The following ITSN1 variants were observed in gnomAD, a reference collection of about 807,000 sequenced individuals.
The protein encoded by ITSN1 is intersectin 1.
In ITSN1, 58 loss-of-function variants were observed where a neutral mutation model predicts 239.8. The observed-to-expected ratio is 0.24, with a 90% CI of 0.20 to 0.30. ITSN1 has a LOEUF of 0.30. Among genes scored for constraint, ITSN1 ranks in the 10% least tolerant of loss-of-function variants. ITSN1 has a pLI of 1.00. For synonymous variants in ITSN1, 780 were observed against 770.8 expected, an observed-to-expected ratio of 1.01 and a Z score of -0.20; for missense variants, 1,558 against 2,103.3, an observed-to-expected ratio of 0.74 and a Z score of 5.07.
intron 29 of ITSN1, among the ~76,000 whole-genome samples, chr21:33,839,265 TGTGACAAG>T (rs1294185859): frequency 6.6e-6 from 1 of 152,152 alleles, no homozygotes; most frequent in Non-Finnish European, 1.5e-5. Context: ...ACGGTATGTG[TGTGACAAG>T]GTGACAAGTT....
At chr21:33,695,631 AGTAT>A (rs2091759429) in intron 1 of ITSN1, among the ~76,000 whole-genome samples, 6 of 152,388 alleles carry the variant, frequency 3.9e-5, no homozygotes, top group Non-Finnish European at 7.3e-5. Flanking sequence ...ACACATTTTG[AGTAT>A]AAGTGGGCCT....
chr21:33,883,543 T>C lies in ITSN1; in HGVS notation c.4555-7T>C. The C allele has an allele frequency of 1.2e-6, 2 of 1,613,200 alleles. No homozygotes were observed. The highest frequency in any genetic ancestry group is 1.7e-6 in the Non-Finnish European group (2 of 1,179,352). ...TCGCTTTGTAATGCCTGTGTGTTAC[T>C]TTCCAGCCTATTTTCCTAAATGAGG... is the stretch of plus-strand genomic sequence containing the variant. On this transcript the variant is annotated splice_polypyrimidine_tract_variant and splice_region_variant and intron_variant, in intron 35 of 39. Coordinates refer to ENST00000381318, the MANE Select transcript of ITSN1 (RefSeq NM_003024.3).
In ITSN1 at chr21:33,886,327, G is replaced by C; in HGVS notation, c.4884G>C (p.Gln1628His). The C allele has an allele frequency of 6.2e-7, 1 of 1,614,038 alleles. No homozygotes were observed. Among genetic ancestry groups the C allele is most frequent in the Non-Finnish European group, 8.5e-7 (1 of 1,180,004 alleles). Residue 1628 changes from glutamine to histidine, a missense_variant, in exon 39 of 40, where the codon CAG (glutamine) becomes CAC (histidine). Around this residue, in one of 2 missense-constraint regions of ITSN1, gnomAD observed 576 missense variants for 893.3 expected, o/e 0.64. Coordinates refer to ENST00000381318, the MANE Select transcript of ITSN1 (RefSeq NM_003024.3). ...NPYCEVTMGS[Q>H]CHITKTIQDT... ...ACTGTGAGGTGACCATGGGTTCCCAGTGCCACATCACCAAGACGATCCAGG... is the reference window on the plus strand; with the variant it reads ...ACTGTGAGGTGACCATGGGTTCCCACTGCCACATCACCAAGACGATCCAGG...
At chr21:33,813,141 A>G (rs1007817895) in intron 21 of ITSN1, among the ~76,000 whole-genome samples, 2 of 152,060 alleles carry the variant, frequency 1.3e-5, no homozygotes, top group Non-Finnish European at 2.9e-5. Flanking sequence ...CATTTTATCA[A>G]TGAGGAAATC....
At chr21:33,842,495 G>GT (rs2074856904) in intron 29 of ITSN1, among the ~76,000 whole-genome samples, 1 of 148,066 alleles carries the variant, frequency 6.8e-6, no homozygotes, top group East Asian at 2.0e-4. Context: ...TGATGTCAAC[G>GT]GTGTGTGTGT....
chr21:33,834,824 G>A (rs567882680), intron 28 of ITSN1, among the ~76,000 whole-genome samples: 72 of 152,240 alleles, frequency 4.7e-4, no homozygotes, highest in African/African-American at 1.2e-3. Context: ...TGGGGGCCAC[G>A]GGGGTTGGGG....
chr21:33,798,560 A>G (rs759892801), intron 18 of ITSN1, among the ~76,000 whole-genome samples: 5 of 152,176 alleles, frequency 3.3e-5, no homozygotes, highest in Non-Finnish European at 7.3e-5. Context: ...GTGATTGTAC[A>G]GTTTTGCAAA....
intron 20 of ITSN1, among the ~76,000 whole-genome samples, chr21:33,808,994 T>G (rs940504018): frequency 6.6e-6 from 1 of 152,148 alleles, no homozygotes; most frequent in Admixed American, 6.5e-5. Flanking sequence ...TGGAGCAAAG[T>G]TATAATGTGT....
intron 16 of ITSN1, among the ~76,000 whole-genome samples, chr21:33,782,518 A>G (rs2070281372): frequency 6.6e-6 from 1 of 152,218 alleles, no homozygotes; most frequent in African/African-American, 2.4e-5. Context: ...GCTTAAATGT[A>G]GATCTTTATT....
At chr21:33,877,825 TTGTGTGTGTGTGTGTG>T (rs3835379) in intron 34 of ITSN1, among the ~76,000 whole-genome samples, 223 of 147,318 alleles carry the variant, frequency 1.5e-3, no homozygotes, top group African/African-American at 5.2e-3. Flanking sequence ...TGTTTCTATT[TTGTGTGTGTGTGTGTG>T]TGTGTGTGTG....
At chr21:33,728,299 C>T (rs1360013746) in intron 4 of ITSN1, among the ~76,000 whole-genome samples, 1 of 151,256 alleles carries the variant, frequency 6.6e-6, no homozygotes, top group Non-Finnish European at 1.5e-5. Context: ...GTGGTGCGAT[C>T]TCAGCTCACT....
At chr21:33,642,914 G>A (rs1292964758) in intron 1 of ITSN1, among the ~76,000 whole-genome samples, 3 of 151,360 alleles carry the variant, frequency 2.0e-5, no homozygotes, top group African/African-American at 7.2e-5. Flanking sequence ...CCCGTCCTCG[G>A]GGGTGGCGGC....
chr21:33,831,857 C>T (rs2074310990), intron 27 of ITSN1, among the ~76,000 whole-genome samples: 1 of 152,196 alleles, frequency 6.6e-6, no homozygotes, highest in Non-Finnish European at 1.5e-5. Flanking sequence ...AATCTGACCT[C>T]TGGAGGCCTG....
At chr21:33,651,467 T>A (rs2088529314) in intron 1 of ITSN1, among the ~76,000 whole-genome samples, 1 of 152,190 alleles carries the variant, frequency 6.6e-6, no homozygotes, top group African/African-American at 2.4e-5. Context: ...CTTTGTGAGG[T>A]CTCAGGAATG....
chr21:33,826,737 G>A (rs1440188757), intron 25 of ITSN1, 81 bp from the exon 26 acceptor site: 2 of 1,320,514 alleles, frequency 1.5e-6, no homozygotes, highest in South Asian at 1.2e-5. Context: ...GCTCAAGCGG[G>A]TTTGTATCAT....
chr21:33,662,052 T>C (rs1168384555), intron 1 of ITSN1, among the ~76,000 whole-genome samples: 2 of 152,160 alleles, frequency 1.3e-5, no homozygotes, highest in Non-Finnish European at 2.9e-5. Flanking sequence ...AAACCTTCAC[T>C]CACAGTTTAG....
chr21:33,836,177 A>G (rs545604538), intron 28 of ITSN1, among the ~76,000 whole-genome samples: 3 of 152,202 alleles, frequency 2.0e-5, no homozygotes, highest in Non-Finnish European at 4.4e-5. Flanking sequence ...AGCACTGTAC[A>G]TTTTCTGCTG....
intron 1 of ITSN1, among the ~76,000 whole-genome samples, chr21:33,695,095 G>A (rs1397740040): frequency 2.0e-5 from 3 of 152,164 alleles, no homozygotes; most frequent in African/African-American, 4.8e-5. Context: ...GATTACAGGC[G>A]TGAGCCACCG....
intron 4 of ITSN1, among the ~76,000 whole-genome samples, chr21:33,733,825 A>G (rs766306987): frequency 1.3e-5 from 2 of 152,202 alleles, no homozygotes; most frequent in African/African-American, 4.8e-5. Flanking sequence ...GGTTTCTGCA[A>G]CCACAGAGCT....
Sources: allele counts gnomAD v4.1 joint callset (sites outside exome capture counted in the v4.1 genomes callset), GRCh38; gene constraint gnomAD v4.1.1; regional missense constraint gnomAD v4.1.1; transcripts MANE v1.5; gene names NCBI Gene and HGNC (gene_info 2026-07-23, HGNC 2026-07-21).